ZNF345: variants seen among roughly 807,000 people sequenced by gnomAD.
ZNF345 encodes zinc finger protein 345, also known as zinc finger protein HZF10.
For synonymous variants in ZNF345, 166 were observed against 187.9 expected, an observed-to-expected ratio of 0.88 and a Z score of 0.95; for missense variants, 527 against 589.9, an observed-to-expected ratio of 0.89 and a Z score of 1.10.
intron 3 of ZNF345, among the ~76,000 whole-genome samples, chr19:36,885,444 C>T (rs2146215048): frequency 6.6e-6 from 1 of 151,842 alleles, no homozygotes; most frequent in East Asian, 1.9e-4. Context: ...ATGCCTTTTG[C>T]TTTGTGGCTT....
At chr19:36,881,058 A>G (rs564606), downstream of ZNF345, among the ~76,000 whole-genome samples, 38,711 of 151,934 alleles carry the variant, frequency 0.25, 7,258 homozygotes, top group African/African-American at 0.53. Context: ...ATCACAACCT[A>G]ATGTTTTGAA....
rs2072929023 is a variant in ZNF345, at chr19:36,878,099, G to A, written c.1269G>A (p.Glu423=). The A allele has an allele frequency of 1.2e-6, 2 of 1,614,096 alleles. No homozygotes were observed. Among genetic ancestry groups the A allele is most frequent in the Non-Finnish European group, 1.7e-6 (2 of 1,180,002 alleles). ...GGCACCAGAGAATACACACTGGTGA[G>A]AAACCCTATGAATGTAAGGAGTGTG... ...LNRHQRIHTG[E]KPYECKECGK... is the part of the protein sequence containing the mutation. The change falls in exon 3 of 3, where the codon GAG becomes GAA. Residue 423 remains glutamate, a synonymous_variant. Coordinates refer to ENST00000420450, the MANE Select transcript of ZNF345 (RefSeq NM_001242472.2).
At chr19:36,860,968 A>G (rs2072534252) in intron 2 of ZNF345, among the ~76,000 whole-genome samples, 1 of 151,742 alleles carries the variant, frequency 6.6e-6, no homozygotes, top group African/African-American at 2.4e-5. Flanking sequence ...TTCTATCGCC[A>G]TTATTTTGTC....
chr19:36,853,245 C>CTTTTTTTTTTTTTTTT (rs902150512), intron 2 of ZNF345, among the ~76,000 whole-genome samples: 2 of 106,534 alleles, frequency 1.9e-5, no homozygotes, highest in African/African-American at 3.7e-5. Context: ...TTCTTTCTTT[C>CTTTTTTTTTTTTTTTT]TTTTTTTTTT....
intron 3 of ZNF345, chr19:36,891,351 G>T: frequency 2.5e-6 from 2 of 806,394 alleles, no homozygotes; most frequent in Non-Finnish European, 3.6e-6. Context: ...CAAGGTTTTG[G>T]TACTTGGTAC....
chr19:36,864,325 G>A (rs1245167881), intron 2 of ZNF345, among the ~76,000 whole-genome samples: 1 of 152,106 alleles, frequency 6.6e-6, no homozygotes, highest in Non-Finnish European at 1.5e-5. Flanking sequence ...AGGAATTTCA[G>A]ACCAGATCCT....
intron 3 of ZNF345, chr19:36,892,350 T>C (rs1220615150): frequency 1.9e-6 from 3 of 1,613,682 alleles, no homozygotes; most frequent in Middle Eastern, 1.6e-4. Context: ...TCATAGTTTT[T>C]TGAGGTGGAA....
At chr19:36,858,471 A>T (rs1290745049) in intron 2 of ZNF345, 2 of 152,168 alleles carry the variant, frequency 1.3e-5, no homozygotes, top group Non-Finnish European at 2.9e-5. Context: ...AATATTTAAA[A>T]AACTACCCAA....
At chr19:36,892,322 C>T in intron 3 of ZNF345, 1 of 1,613,810 alleles carries the variant, frequency 6.2e-7, no homozygotes, top group Non-Finnish European at 8.5e-7. Flanking sequence ...ATCTTACATT[C>T]CCATGGTTTC....
chr19:36,886,156 CTAAA>C (rs1348443369), intron 3 of ZNF345, among the ~76,000 whole-genome samples: 1 of 152,128 alleles, frequency 6.6e-6, no homozygotes, highest in Non-Finnish European at 1.5e-5. Flanking sequence ...AGATAAATAA[CTAAA>C]TAAATGGAGA....
chr19:36,862,487 A>C (rs1600698461), intron 2 of ZNF345, among the ~76,000 whole-genome samples: 1 of 150,802 alleles, frequency 6.6e-6, no homozygotes, highest in Admixed American at 6.6e-5. Flanking sequence ...ACACAGGGAA[A>C]CCCCGTCTCT....
chr19:36,867,791 C>T (rs560482235), intron 2 of ZNF345, among the ~76,000 whole-genome samples: 1 of 152,174 alleles, frequency 6.6e-6, no homozygotes, highest in African/African-American at 2.4e-5. Flanking sequence ...ATCTATTAGT[C>T]ATAGATGTTT....
At chr19:36,892,036 C>A in intron 3 of ZNF345, 1 of 1,613,814 alleles carries the variant, frequency 6.2e-7, no homozygotes, top group South Asian at 1.1e-5. Context: ...AAGGTTTGAG[C>A]AATACTTAAA....
downstream of ZNF345, among the ~76,000 whole-genome samples, chr19:36,882,158 G>A (rs2072972338): frequency 6.6e-6 from 1 of 151,504 alleles, no homozygotes; most frequent in South Asian, 2.1e-4. Flanking sequence ...TTTTATTTGT[G>A]TGTATTTCTG....
At chr19:36,871,206 T>C (rs2072764555) in intron 2 of ZNF345, among the ~76,000 whole-genome samples, 1 of 152,194 alleles carries the variant, frequency 6.6e-6, no homozygotes, top group Admixed American at 6.5e-5. Flanking sequence ...GGTACTCTTT[T>C]TTAAGGACAT....
At chr19:36,855,339 C>T (rs1321896807) in intron 2 of ZNF345, among the ~76,000 whole-genome samples, 4 of 146,234 alleles carry the variant, frequency 2.7e-5, no homozygotes, top group South Asian at 4.5e-4. Flanking sequence ...TTAGTAGAGA[C>T]GGGGTTTCAC....
At chr19:36,883,737 G>A (rs1481956445), downstream of ZNF345, among the ~76,000 whole-genome samples, 4 of 152,076 alleles carry the variant, frequency 2.6e-5, no homozygotes, top group African/African-American at 9.7e-5. Flanking sequence ...AAATGGAATC[G>A]TACGCTGAAC....
chr19:36,893,123 G>T (rs996872254), downstream of ZNF345: 40 of 397,122 alleles, frequency 1.0e-4, no homozygotes, highest in African/African-American at 7.8e-4. Context: ...GTGTTGAAAG[G>T]TTTAAATGTC....
intron 2 of ZNF345, among the ~76,000 whole-genome samples, chr19:36,875,551 C>T (rs1404514638): frequency 6.6e-6 from 1 of 152,194 alleles, no homozygotes; most frequent in Non-Finnish European, 1.5e-5. Context: ...CTTTTAAGAG[C>T]GAGTTCATTT....
Sources: allele counts gnomAD v4.1 joint callset (sites outside exome capture counted in the v4.1 genomes callset), GRCh38; gene constraint gnomAD v4.1.1; transcripts MANE v1.5; gene names NCBI Gene and HGNC (gene_info 2026-07-23, HGNC 2026-07-21).